The following CNTNAP2 variants were observed in gnomAD, a reference collection of about 807,000 sequenced individuals.
CNTNAP2 encodes contactin associated protein 2, also known as contactin-associated protein-like 2.
A neutral mutation model predicts 155.2 loss-of-function variants in CNTNAP2; 98 were observed. That is an observed-to-expected ratio of 0.63 (90% CI 0.54 to 0.75). The LOEUF is 0.75. Among genes scored for constraint, CNTNAP2 ranks in the 30% least tolerant of loss-of-function variants. The pLI is 0.00. For missense variants in CNTNAP2, 1,727 were observed against 1,688.1 expected, an observed-to-expected ratio of 1.02 and a Z score of -0.40; for synonymous variants, 651 against 631.2, an observed-to-expected ratio of 1.03 and a Z score of -0.47.
chr7:148,386,947 G>GAGAT (rs1405023818), intron 22 of CNTNAP2, among the ~76,000 whole-genome samples: 1 of 152,186 alleles, frequency 6.6e-6, no homozygotes, highest in Admixed American at 6.5e-5. Flanking sequence ...GAACAAATGA[G>GAGAT]AGATAAAGAG....
intron 1 of CNTNAP2, among the ~76,000 whole-genome samples, chr7:146,153,690 G>A (rs1053747922): frequency 2.0e-5 from 3 of 152,132 alleles, no homozygotes; most frequent in African/African-American, 7.2e-5. Context: ...AAAGGGAAGT[G>A]CTTGGATCTT....
At chr7:146,890,359 G>A (rs1193677112) in intron 3 of CNTNAP2, among the ~76,000 whole-genome samples, 2 of 152,124 alleles carry the variant, frequency 1.3e-5, no homozygotes, top group Non-Finnish European at 2.9e-5. Context: ...TTTGCCCAAG[G>A]ACCCACAGAT....
intron 4 of CNTNAP2, among the ~76,000 whole-genome samples, chr7:147,084,890 G>A (rs1800239399): frequency 6.7e-6 from 1 of 150,118 alleles, no homozygotes. Context: ...TATGTAGCAT[G>A]AGGTTGTGAG....
chr7:147,454,966 T>A (rs1797895689), intron 10 of CNTNAP2, among the ~76,000 whole-genome samples: 1 of 152,160 alleles, frequency 6.6e-6, no homozygotes, highest in African/African-American at 2.4e-5. Flanking sequence ...TCTTTAATCT[T>A]ACTTTTGGTG....
intron 8 of CNTNAP2, among the ~76,000 whole-genome samples, chr7:147,174,219 G>T (rs1297768691): frequency 6.6e-6 from 1 of 151,854 alleles, no homozygotes; most frequent in Non-Finnish European, 1.5e-5. Flanking sequence ...CTGATTACTT[G>T]TCACCTCCCT....
At chr7:147,792,966 A>G (rs1284992079) in intron 13 of CNTNAP2, among the ~76,000 whole-genome samples, 1 of 151,934 alleles carries the variant, frequency 6.6e-6, no homozygotes, top group Admixed American at 6.5e-5. Flanking sequence ...GCATCTTTTC[A>G]TGTGTTTATC....
At chr7:147,046,265 T>A (rs1021014691) in intron 4 of CNTNAP2, among the ~76,000 whole-genome samples, 2 of 152,098 alleles carry the variant, frequency 1.3e-5, no homozygotes, top group Non-Finnish European at 2.9e-5. Flanking sequence ...GTAGGCCTTC[T>A]CCCAGTTACT....
At chr7:148,226,378 A>G (rs1795849012) in intron 19 of CNTNAP2, among the ~76,000 whole-genome samples, 1 of 152,056 alleles carries the variant, frequency 6.6e-6, no homozygotes, top group Non-Finnish European at 1.5e-5. Context: ...CCCACCAACC[A>G]CCAAGAATGT....
chr7:147,361,303 AT>A (rs1432760059), intron 9 of CNTNAP2, among the ~76,000 whole-genome samples: 1 of 152,112 alleles, frequency 6.6e-6, no homozygotes, highest in Admixed American at 6.5e-5. Context: ...ACAACAATGA[AT>A]TTTATACATT....
chr7:147,352,114 A>G (rs1447178001), intron 9 of CNTNAP2, among the ~76,000 whole-genome samples: 2 of 151,978 alleles, frequency 1.3e-5, no homozygotes, highest in Non-Finnish European at 2.9e-5. Flanking sequence ...TTTCATCCTC[A>G]GATTCCTTAG....
At chr7:147,391,660 A>G (rs1324294134) in intron 9 of CNTNAP2, among the ~76,000 whole-genome samples, 2 of 152,014 alleles carry the variant, frequency 1.3e-5, no homozygotes, top group East Asian at 1.9e-4. Flanking sequence ...TAGAATCCCT[A>G]TTGTTTAACT....
intron 8 of CNTNAP2, among the ~76,000 whole-genome samples, chr7:147,189,898 C>T (rs1802646654): frequency 6.6e-6 from 1 of 152,018 alleles, no homozygotes; most frequent in Admixed American, 6.6e-5. Context: ...GTGCCCGCCA[C>T]CACGCCCGGC....
At position 147,978,234 on chromosome 7, in the gene CNTNAP2, C is replaced by T. The variant is rs1377787918; in HGVS notation, c.2383+245C>T. On this transcript the variant is annotated intron_variant, in intron 15 of 23. Coordinates refer to ENST00000361727, the MANE Select transcript of CNTNAP2 (RefSeq NM_014141.6). ...CTATATTCATATGTAACAAGTTTGA[C>T]TACCTAAGTTTATGATGATATTAAT... 4 of 520,738 alleles carry T rather than the reference C, an allele frequency of 7.7e-6. No individual in the cohort carries two copies. In the East Asian group the frequency reaches 1.1e-4, roughly 14 times the overall value. 32.3% of individuals were successfully genotyped at this position (520,738 alleles called of 1,614,324 possible).
chr7:147,702,063 T>G (rs149910716), intron 13 of CNTNAP2, among the ~76,000 whole-genome samples: 2,505 of 150,950 alleles, frequency 0.017, 228 homozygotes, highest in Admixed American at 0.15. Flanking sequence ...TGGTTTTTTT[T>G]TTTTTTTTTT....
chr7:147,250,093 G>C (rs1027175743), intron 8 of CNTNAP2, among the ~76,000 whole-genome samples: 1 of 152,142 alleles, frequency 6.6e-6, no homozygotes, highest in East Asian at 1.9e-4. Context: ...TTCTGATTGC[G>C]TGGATCTGAA....
Position 147,291,292 on chromosome 7 carries a change from G to T in CNTNAP2, c.1349-8849G>T, listed in dbSNP as rs1019457293. Among the ~76,000 whole-genome samples the T allele has an allele frequency of 4.6e-5, 7 of 152,006 alleles. No individual in the cohort carries two copies. In the East Asian group the frequency reaches 9.6e-4, roughly 21 times the overall value. On this transcript the variant is annotated intron_variant, in intron 8 of 23. Coordinates refer to ENST00000361727, the MANE Select transcript of CNTNAP2 (RefSeq NM_014141.6). ...AGGTTTTAAGCCCCACATGCATGAG[G>T]TATTTGTCCTAATGCTCTCCCTCCC...
chr7:146,751,434 C>T (rs1801901689), intron 1 of CNTNAP2, among the ~76,000 whole-genome samples: 1 of 152,108 alleles, frequency 6.6e-6, no homozygotes. Flanking sequence ...CACACATACA[C>T]ACCCACTGAC....
intron 11 of CNTNAP2, among the ~76,000 whole-genome samples, chr7:147,487,232 G>A (rs1798525540): frequency 6.6e-6 from 1 of 151,988 alleles, no homozygotes; most frequent in Admixed American, 6.6e-5. Context: ...AGAGGCAAAG[G>A]AAATCTTGAC....
chr7:147,551,260 A>G (rs1446875761), intron 11 of CNTNAP2, among the ~76,000 whole-genome samples: 1 of 152,230 alleles, frequency 6.6e-6, no homozygotes, highest in East Asian at 1.9e-4. Context: ...CAATAAAGTC[A>G]GAATAAAGAT....
Sources: gnomAD v4.1 joint callset for allele counts (sites outside exome capture counted in the v4.1 genomes callset) on GRCh38, gnomAD v4.1.1 for gene constraint, MANE v1.5 for transcripts, NCBI Gene and HGNC (gene_info 2026-07-23, HGNC 2026-07-21) for gene names.